SPATA31H1: variants seen among roughly 807,000 people sequenced by gnomAD.
SPATA31H1 encodes the protein spermatogenesis-associated protein 31H1.
chr2:27,556,528 TCA>T, the SPATA31H1 span, among the ~76,000 whole-genome samples: 1 of 151,644 alleles, frequency 6.6e-6, no homozygotes, highest in Non-Finnish European at 1.5e-5. Context: ...GATATTTTCT[TCA>T]GACATTTCTT....
chr2:27,565,412 C>T, the SPATA31H1 span: 1 of 717,284 alleles, frequency 1.4e-6, no homozygotes. Flanking sequence ...CTCTTCAGCT[C>T]AAGGTTAATA....
the SPATA31H1 span, among the ~76,000 whole-genome samples, chr2:27,542,903 C>T: frequency 6.6e-6 from 1 of 151,860 alleles, no homozygotes; most frequent in South Asian, 2.1e-4. Flanking sequence ...TCGAGACCAC[C>T]CTGTCTCTAC....
At chr2:27,548,204 C>T in the SPATA31H1 span, among the ~76,000 whole-genome samples, 5 of 151,432 alleles carry the variant, frequency 3.3e-5, no homozygotes, top group Admixed American at 3.3e-4. Flanking sequence ...CTCCTGACCT[C>T]GTGATCTGCC....
At chr2:27,565,205 A>T in the SPATA31H1 span, 1 of 620,494 alleles carries the variant, frequency 1.6e-6, no homozygotes, top group East Asian at 2.8e-5. Flanking sequence ...GTGGTTATGG[A>T]TGCCAACTGT....
chr2:27,566,015 G>A, the SPATA31H1 span: 1 of 717,358 alleles, frequency 1.4e-6, no homozygotes. Context: ...TAGTCATGAG[G>A]CTGACAGATT....
chr2:27,575,915 G>C, the SPATA31H1 span: 1 of 398,542 alleles, frequency 2.5e-6, no homozygotes, highest in African/African-American at 2.1e-5. This position sits in a 1 kb window ranked among gnomAD's most constrained non-coding sequence, Gnocchi z 4.1. Context: ...TTCAAGGTAT[G>C]AAGTGTTCTG....
chr2:27,539,715 T>C, the SPATA31H1 span, among the ~76,000 whole-genome samples: 1 of 62,084 alleles, frequency 1.6e-5, no homozygotes, highest in African/African-American at 7.3e-5. Flanking sequence ...GCCCCTCACC[T>C]CCCGGATGGG....
At chr2:27,574,262 A>T in the SPATA31H1 span, 5 of 398,432 alleles carry the variant, frequency 1.3e-5, no homozygotes, top group Non-Finnish European at 1.3e-5. Context: ...AAGACATTAA[A>T]TCTATGGATT....
At chr2:27,572,578 A>G in the SPATA31H1 span, 3 of 398,396 alleles carry the variant, frequency 7.5e-6, no homozygotes. Flanking sequence ...CAGCTGCAAA[A>G]AGGGAAAATG....
the SPATA31H1 span, chr2:27,578,012 G>GT: frequency 6.2e-7 from 1 of 1,614,066 alleles, no homozygotes. Context: ...TTAGTCCAGA[G>GT]CCACTAGATC....
At chr2:27,560,689 C>T in the SPATA31H1 span, among the ~76,000 whole-genome samples, 1 of 152,154 alleles carries the variant, frequency 6.6e-6, no homozygotes, top group Non-Finnish European at 1.5e-5. Flanking sequence ...GATCTCCTGA[C>T]CTCGTGATCC....
the SPATA31H1 span, chr2:27,537,571 G>A: frequency 1.4e-6 from 1 of 717,208 alleles, no homozygotes; most frequent in Non-Finnish European, 2.6e-6. Context: ...AAACTCAGAG[G>A]TATGTGATGT....
At chr2:27,567,959 G>C in the SPATA31H1 span, 1 of 398,974 alleles carries the variant, frequency 2.5e-6, no homozygotes, top group Non-Finnish European at 4.4e-6. Context: ...TGGAAACCAT[G>C]GAAACAGTGA....
At chr2:27,576,866 G>A in the SPATA31H1 span, 4 of 1,614,106 alleles carry the variant, frequency 2.5e-6, no homozygotes. Flanking sequence ...CAGGGTCACT[G>A]CCTCAAAGAG....
chr2:27,582,463 T>C, the SPATA31H1 span: 1 of 1,613,808 alleles, frequency 6.2e-7, no homozygotes, highest in Non-Finnish European at 8.5e-7. Flanking sequence ...CAAACAACTC[T>C]CCTCGGGACC....
chr2:27,579,544 C>G, the SPATA31H1 span: 1 of 1,614,070 alleles, frequency 6.2e-7, no homozygotes, highest in African/African-American at 1.3e-5. Flanking sequence ...CAGCAATACT[C>G]TGGGACTAGA....
chr2:27,568,197 T>C, the SPATA31H1 span: 1 of 398,982 alleles, frequency 2.5e-6, no homozygotes, highest in East Asian at 3.6e-5. Context: ...AACACCACGA[T>C]ATCAAGTCAT....
the SPATA31H1 span, chr2:27,582,277 G>A: frequency 1.5e-5 from 25 of 1,613,136 alleles, no homozygotes; most frequent in Non-Finnish European, 1.9e-5. Context: ...AGGAGCCATC[G>A]CAGTTCCTGT....
chr2:27,580,543 G>A, the SPATA31H1 span: 4 of 1,614,074 alleles, frequency 2.5e-6, no homozygotes, highest in African/African-American at 5.3e-5. Flanking sequence ...CATTTAAGAA[G>A]GAAGAGGATT....
Sources: allele counts gnomAD v4.1 joint callset (sites outside exome capture counted in the v4.1 genomes callset), GRCh38; gene constraint gnomAD v4.1.1; non-coding constraint Gnocchi (gnomAD v3.1); transcripts MANE v1.5; gene names NCBI Gene and HGNC (gene_info 2026-07-23, HGNC 2026-07-21).